The following STK24 variants were observed in gnomAD, a reference collection of about 807,000 sequenced individuals.
STK24 encodes the protein serine/threonine-protein kinase 24.
STK24 carries 21 observed loss-of-function variants against 55.6 expected under a neutral mutation model. The observed-to-expected ratio is 0.38, with a 90% CI of 0.27 to 0.54. The LOEUF is 0.54. Among genes scored for constraint, STK24 ranks in the 20% least tolerant of loss-of-function variants. The pLI is 0.79. For missense variants in STK24, 383 were observed against 538.4 expected (o/e 0.71, Z 2.86); for synonymous variants, 200 against 215.2 (o/e 0.93, Z 0.62).
In STK24 at chr13:98,466,364, T is replaced by G; in HGVS notation, c.783+12A>C. 6.2e-7 allele frequency: 1 copy of G among 1,611,592 alleles called. No homozygotes were observed. Among genetic ancestry groups the G allele is most frequent in the Non-Finnish European group, 8.5e-7 (1 of 1,179,650 alleles). On this transcript the variant is annotated intron_variant, in intron 6 of 10. Transcript: ENST00000539966. The stretch of plus-strand genomic sequence containing the variant: ...ACATGAAGAGGTACGCTGTGATCCC[T>G]GGGAAACTTACAAAGCTCGGCTCCT...
At chr13:98,459,574 CAG>C (rs1042554778) in intron 9 of STK24, among the ~76,000 whole-genome samples, 9 of 152,366 alleles carry the variant, frequency 5.9e-5, no homozygotes, top group Admixed American at 2.0e-4. Context: ...GACGCAGGCA[CAG>C]GGGAGGAGAA....
At chr13:98,457,701 C>G (rs1893526880) in intron 9 of STK24, among the ~76,000 whole-genome samples, 1 of 152,122 alleles carries the variant, frequency 6.6e-6, no homozygotes, top group African/African-American at 2.4e-5. Context: ...AACTCCTGAC[C>G]TCAAGTGATC....
At chr13:98,545,550 C>T (rs1243860807) in intron 1 of STK24, among the ~76,000 whole-genome samples, 2 of 149,730 alleles carry the variant, frequency 1.3e-5, no homozygotes, top group South Asian at 2.1e-4. Context: ...AGGAGAATGG[C>T]GTGAACCCGG....
chr13:98,540,714 C>T (rs1594654077), intron 1 of STK24, among the ~76,000 whole-genome samples: 1 of 142,856 alleles, frequency 7.0e-6, no homozygotes, highest in East Asian at 2.0e-4. Flanking sequence ...TCACACAGGC[C>T]TCTATAACAA....
At position 98,446,740 on chromosome 13, in the gene STK24, G is replaced by C. The variant is rs1323838053; in HGVS notation, c.*6433C>G. 2.5e-6 allele frequency: 4 copies of C among 1,614,034 alleles called. No homozygotes were observed. The highest frequency in any genetic ancestry group is 3.4e-6 in the Non-Finnish European group (4 of 1,180,020). ...TCCCCTCTGAGTCCGAGAACATCCA[G>C]AAAGACTACGTGTTCAAGCTGCACT... On this transcript the variant is annotated 3_prime_UTR_variant, in exon 11 of 11. Coordinates refer to ENST00000539966, the MANE Select transcript of STK24 (RefSeq NM_001032296.4).
intron 2 of STK24, among the ~76,000 whole-genome samples, chr13:98,502,617 T>C (rs988621796): frequency 1.3e-5 from 2 of 152,170 alleles, no homozygotes; most frequent in Non-Finnish European, 2.9e-5. Flanking sequence ...TGGGTCGTTA[T>C]ACAGCAAGTC....
chr13:98,465,761 C>CAT, intron 6 of STK24, among the ~76,000 whole-genome samples: 1 of 152,336 alleles, frequency 6.6e-6, no homozygotes, highest in East Asian at 1.9e-4. Flanking sequence ...AAAACAAGGA[C>CAT]ATATGGTGCT....
intron 2 of STK24, among the ~76,000 whole-genome samples, chr13:98,516,670 T>C (rs756097537): frequency 2.1e-4 from 32 of 151,962 alleles, no homozygotes; most frequent in Non-Finnish European, 3.4e-4. Flanking sequence ...CGCTGACTTA[T>C]GGCAGCTGAG....
chr13:98,489,293 G>T (rs567329215), intron 2 of STK24, among the ~76,000 whole-genome samples: 1 of 152,330 alleles, frequency 6.6e-6, no homozygotes, highest in African/African-American at 2.4e-5. Flanking sequence ...CTGAACTGCA[G>T]GCTTGCGAAC....
intron 2 of STK24, among the ~76,000 whole-genome samples, chr13:98,514,134 G>A (rs1407906559): frequency 2.0e-5 from 3 of 152,152 alleles, no homozygotes; most frequent in African/African-American, 7.2e-5. Context: ...TAGTAAGTAG[G>A]CTGATTATTT....
chr13:98,576,669 A>C (rs957596015), intron 1 of STK24, 76 bp downstream of exon 1: 43 of 1,274,842 alleles, frequency 3.4e-5, no homozygotes, highest in Non-Finnish European at 4.3e-5. Context: ...GCGTAGGGGG[A>C]CGCCGTGTGG....
chr13:98,558,077 T>C (rs1897321304), intron 1 of STK24, among the ~76,000 whole-genome samples: 1 of 152,202 alleles, frequency 6.6e-6, no homozygotes, highest in Non-Finnish European at 1.5e-5. Flanking sequence ...TTGAAATGTA[T>C]GCGACACATG....
chr13:98,544,525 C>T (rs1287866071), intron 1 of STK24, among the ~76,000 whole-genome samples: 1 of 152,196 alleles, frequency 6.6e-6, no homozygotes, highest in East Asian at 1.9e-4. Context: ...CACAGCCAGC[C>T]GGCAGAAGGC....
intron 1 of STK24, among the ~76,000 whole-genome samples, chr13:98,534,825 C>A (rs551970794): frequency 6.6e-6 from 1 of 152,326 alleles, no homozygotes; most frequent in Admixed American, 6.5e-5. Flanking sequence ...ACCAAATTAT[C>A]CTTAAAAATC....
At chr13:98,533,793 C>T (rs1380458758) in intron 1 of STK24, among the ~76,000 whole-genome samples, 2 of 152,112 alleles carry the variant, frequency 1.3e-5, no homozygotes, top group East Asian at 3.9e-4. Context: ...CACCACACCA[C>T]CACCTGCTCT....
chr13:98,479,148 T>C (rs192418818), intron 3 of STK24, among the ~76,000 whole-genome samples: 14 of 152,322 alleles, frequency 9.2e-5, no homozygotes, highest in Non-Finnish European at 1.9e-4. Context: ...ATACTTCTTA[T>C]GCTCTTCTAA....
chr13:98,465,340 C>T (rs900487737), intron 6 of STK24, among the ~76,000 whole-genome samples: 6 of 152,246 alleles, frequency 3.9e-5, no homozygotes, highest in African/African-American at 1.4e-4. Flanking sequence ...GCCTCTCAGC[C>T]AGCTCCTCGG....
chr13:98,551,558 C>G (rs1407748700), intron 1 of STK24, among the ~76,000 whole-genome samples: 1 of 151,872 alleles, frequency 6.6e-6, no homozygotes, highest in Non-Finnish European at 1.5e-5. Flanking sequence ...CCTAACCCTT[C>G]TCATCTTTGT....
rs2139226246 is a variant in STK24 at position 98,452,706 on chromosome 13, C to T, written c.*467G>A. 6.4e-6 allele frequency: 1 copy of T among 155,694 alleles called. No homozygotes were observed. The highest frequency in any genetic ancestry group is 6.4e-5 in the Admixed American group (1 of 15,744). 9.6% of individuals were successfully genotyped at this position (155,694 alleles called of 1,614,324 possible). A position where few individuals can be genotyped will look rare whatever the true frequency, so the allele number is the denominator to read the frequency against. ...TGTACACAGTGATTCCTTATGCACG[C>T]CGAAAGGGTTTCCGTAAAAATGACA... On this transcript the variant is annotated 3_prime_UTR_variant, in exon 11 of 11. Coordinates refer to ENST00000539966, the MANE Select transcript of STK24 (RefSeq NM_001032296.4).
Sources: gnomAD v4.1 joint callset for allele counts (sites outside exome capture counted in the v4.1 genomes callset) on GRCh38, gnomAD v4.1.1 for gene constraint, MANE v1.5 for transcripts, NCBI Gene and HGNC (gene_info 2026-07-23, HGNC 2026-07-21) for gene names.